RAD54L: variants seen among roughly 807,000 people sequenced by gnomAD.
RAD54L encodes RAD54 like, also known as DNA repair and recombination protein RAD54-like.
A neutral mutation model predicts 91.6 loss-of-function variants in RAD54L; 74 were observed. That is an observed-to-expected ratio of 0.81 (90% CI 0.67 to 0.98). The LOEUF is 0.98. Among genes scored for constraint, RAD54L ranks in the 50% least tolerant of loss-of-function variants. The probability of loss-of-function intolerance (pLI) is 0.00; values close to 1 mark genes in which losing one functional copy is unlikely to be tolerated. For missense variants in RAD54L, 887 were observed against 945.7 expected, an observed-to-expected ratio of 0.94 and a Z score of 0.81; for synonymous variants, 304 against 349.7, an observed-to-expected ratio of 0.87 and a Z score of 1.46.
At position 46,248,276 on chromosome 1, in the gene RAD54L, A is replaced by G; in HGVS notation, c.-130A>G. ...TTCCCGCCATCCATGCCCCCTCTTTAATTAGCCGGTCCTCTCAATAATGTA... is the reference window on the plus strand; with the variant it reads ...TTCCCGCCATCCATGCCCCCTCTTTGATTAGCCGGTCCTCTCAATAATGTA... On this transcript the variant is annotated 5_prime_UTR_variant, in exon 1 of 18. It removes the in-frame stop codon of an upstream open reading frame in the 5' UTR. Transcript: ENST00000371975. The G allele has an allele frequency of 1.7e-6, 2 of 1,209,682 alleles. No individual in the cohort carries two copies. The highest frequency in any genetic ancestry group is 2.4e-5 in the East Asian group (1 of 41,578). The allele number at this position is 1,209,682 out of a possible 1,614,324, so 74.9% of individuals were successfully genotyped here. A position where few individuals can be genotyped will look rare whatever the true frequency, so the allele number is the denominator to read the frequency against.
At chr1:46,258,298 A>G (rs2148285222) in intron 3 of RAD54L, among the ~76,000 whole-genome samples, 1 of 150,270 alleles carries the variant, frequency 6.7e-6, no homozygotes, top group Admixed American at 6.7e-5. Flanking sequence ...GACATAACTG[A>G]TGTAGCCAAA....
chr1:46,266,364 A>G (rs1359029180), intron 8 of RAD54L, among the ~76,000 whole-genome samples: 1 of 152,200 alleles, frequency 6.6e-6, no homozygotes, highest in African/African-American at 2.4e-5. Flanking sequence ...TCAAAGCCTG[A>G]CCCAAGGGAG....
rs765911269 is a variant in RAD54L, at chr1:46,274,534, C to G, written c.1690-4C>G. ...TCCTTTTCTCCTGTTTCTTCTCTTTCCAGAGCCCTGACTTTGTCTTCATGC... is the reference window on the plus strand; with the variant it reads ...TCCTTTTCTCCTGTTTCTTCTCTTTGCAGAGCCCTGACTTTGTCTTCATGC... On this transcript the variant is annotated splice_polypyrimidine_tract_variant and splice_region_variant and intron_variant, in intron 15 of 17. Coordinates refer to ENST00000371975, the MANE Select transcript of RAD54L (RefSeq NM_003579.4). 1 of 1,612,498 alleles carries G rather than the reference C, an allele frequency of 6.2e-7. No homozygotes were observed. The highest frequency in any genetic ancestry group is 8.5e-7 in the Non-Finnish European group (1 of 1,179,960).
chr1:46,268,560 C>A (rs1246661615), intron 9 of RAD54L, among the ~76,000 whole-genome samples: 1 of 152,274 alleles, frequency 6.6e-6, no homozygotes, highest in Non-Finnish European at 1.5e-5. Context: ...CCTTTTGTCC[C>A]GGCAGCAAAC....
At chr1:46,262,332 G>A (rs749311387) in intron 8 of RAD54L, among the ~76,000 whole-genome samples, 15 of 152,114 alleles carry the variant, frequency 9.9e-5, no homozygotes, top group Non-Finnish European at 1.3e-4. Flanking sequence ...TCTTGAACCC[G>A]GGAGGTGGAG....
At position 46,260,410 on chromosome 1, in the gene RAD54L, C is replaced by T. The variant is rs72901047; in HGVS notation, c.408-132C>T. ...AAAGTAGGAACTTGCTATGGTTTTACGATTTATCAGCCAAGAAGGTCTTCT... is the reference window on the plus strand; with the variant it reads ...AAAGTAGGAACTTGCTATGGTTTTATGATTTATCAGCCAAGAAGGTCTTCT... On this transcript the variant is annotated intron_variant, in intron 5 of 17. Transcript: ENST00000371975. The T allele has an allele frequency of 3.7e-3, 3,716 of 1,009,972 alleles. 51 individuals are homozygous for T. Among genetic ancestry groups the T allele is most frequent in the African/African-American group, 0.024 (1,529 of 63,302 alleles). 62.6% of individuals were successfully genotyped at this position (1,009,972 alleles called of 1,614,324 possible).
At chr1:46,266,749 TGGGTA>T (rs1337887625) in intron 8 of RAD54L, among the ~76,000 whole-genome samples, 1 of 152,060 alleles carries the variant, frequency 6.6e-6, no homozygotes, top group Non-Finnish European at 1.5e-5. Context: ...GGTTCTGAGT[TGGGTA>T]GGCTGATGTG....
intron 3 of RAD54L, among the ~76,000 whole-genome samples, chr1:46,253,397 A>G (rs1017352370): frequency 4.6e-5 from 7 of 152,180 alleles, no homozygotes; most frequent in Non-Finnish European, 1.0e-4. Context: ...GCGGATCACA[A>G]GGTCAGGAGA....
intron 3 of RAD54L, among the ~76,000 whole-genome samples, chr1:46,253,251 T>G (rs1659849324): frequency 6.6e-6 from 1 of 152,250 alleles, no homozygotes; most frequent in Non-Finnish European, 1.5e-5. Context: ...AAAATTGAAG[T>G]GCTGAAACTT....
intron 3 of RAD54L, among the ~76,000 whole-genome samples, chr1:46,254,339 G>A (rs1295886925): frequency 4.6e-5 from 7 of 151,358 alleles, no homozygotes; most frequent in Non-Finnish European, 1.0e-4. Flanking sequence ...AAAAGTGCCT[G>A]GGGCCCACAA....
chr1:46,259,938 G>T (rs1402136354), intron 4 of RAD54L, 26 bp from the exon 5 acceptor site: 7 of 1,614,016 alleles, frequency 4.3e-6, no homozygotes, highest in Non-Finnish European at 5.9e-6. Flanking sequence ...ATAGATTCAG[G>T]TGACGGAATG....
At chr1:46,249,881 G>T in intron 2 of RAD54L, 119 bp from the exon 3 acceptor site, 1 of 1,061,606 alleles carries the variant, frequency 9.4e-7, no homozygotes, top group South Asian at 1.3e-5. Context: ...GATACACTAT[G>T]ACATGTGTGA....
At chr1:46,260,131 G>T in intron 5 of RAD54L, 32 bp downstream of exon 5, 2 of 1,613,932 alleles carry the variant, frequency 1.2e-6, no homozygotes, top group Non-Finnish European at 1.7e-6. Flanking sequence ...AAGCAGTTTT[G>T]GTTCTCTGTA....
chr1:46,273,755 A>T lies in RAD54L; in HGVS notation c.1610+8A>T. The T allele has an allele frequency of 6.2e-7, 1 of 1,600,152 alleles. No individual in the cohort carries two copies. The highest frequency in any genetic ancestry group is 8.5e-7 in the Non-Finnish European group (1 of 1,172,688). On this transcript the variant is annotated splice_region_variant and intron_variant, in intron 14 of 17. Transcript: ENST00000371975. ...GCTGTGCCGTGCCCGAAGGTAGGGA[A>T]GATCCTAACCAGGATGCCAAAGGGG...
intron 5 of RAD54L, 39 bp downstream of exon 5, chr1:46,260,138 T>G: frequency 6.2e-7 from 1 of 1,613,734 alleles, no homozygotes. Flanking sequence ...TTTGGTTCTC[T>G]GTATATGCAC....
intron 2 of RAD54L, among the ~76,000 whole-genome samples, chr1:46,249,724 G>A (rs1255207392): frequency 1.3e-5 from 2 of 152,148 alleles, no homozygotes; most frequent in Non-Finnish European, 2.9e-5. Flanking sequence ...CCATGCTGTT[G>A]GTAGACTTGC....
At chr1:46,253,852 C>T (rs1659869148) in intron 3 of RAD54L, among the ~76,000 whole-genome samples, 1 of 150,456 alleles carries the variant, frequency 6.6e-6, no homozygotes, top group Non-Finnish European at 1.5e-5. Context: ...TGAGCTAACA[C>T]TGCACTTAGA....
intron 5 of RAD54L, 100 bp from the exon 6 acceptor site, chr1:46,260,442 C>A: frequency 1.7e-6 from 2 of 1,202,370 alleles, no homozygotes; most frequent in Non-Finnish European, 1.2e-6. Context: ...TTCTTTTAGG[C>A]AGCTGCCTCT....
At chr1:46,259,835 G>T in intron 4 of RAD54L, 129 bp from the exon 5 acceptor site, 1 of 1,233,826 alleles carries the variant, frequency 8.1e-7, no homozygotes, top group Non-Finnish European at 1.2e-6. Context: ...ACTGAGTTTG[G>T]AGGCATTCTC....
Sources: gnomAD v4.1 joint callset for allele counts (sites outside exome capture counted in the v4.1 genomes callset) on GRCh38, gnomAD v4.1.1 for gene constraint, MANE v1.5 for transcripts, NCBI Gene and HGNC (gene_info 2026-07-23, HGNC 2026-07-21) for gene names.